KCNK13: variants seen among roughly 807,000 people sequenced by gnomAD.
KCNK13 encodes potassium channel subfamily K member 13.
KCNK13 carries 12 observed loss-of-function variants against 23.4 expected under a neutral mutation model. That is an observed-to-expected ratio of 0.51 (90% confidence interval 0.33 to 0.83). The LOEUF (loss-of-function observed/expected upper bound fraction) is 0.83. KCNK13 is among the 40% of genes least tolerant of loss of function. The probability of loss-of-function intolerance (pLI) is 0.02; values close to 1 mark genes in which losing one functional copy is unlikely to be tolerated. For synonymous variants in KCNK13, 231 were observed against 229.5 expected (o/e 1.01, Z -0.06); for missense variants, 463 against 556.3 (o/e 0.83, Z 1.69).
chr14:90,116,905 A>G (rs1053580115), intron 1 of KCNK13, among the ~76,000 whole-genome samples: 4 of 152,274 alleles, frequency 2.6e-5, no homozygotes, highest in African/African-American at 7.2e-5. Flanking sequence ...CCTTATATTT[A>G]GAGAATCTAT....
intron 1 of KCNK13, among the ~76,000 whole-genome samples, chr14:90,126,023 T>A (rs1174148838): frequency 4.1e-5 from 6 of 145,400 alleles, no homozygotes; most frequent in African/African-American, 7.7e-5. Context: ...AGACGCTATT[T>A]AAAAAAAAAA....
intron 1 of KCNK13, among the ~76,000 whole-genome samples, chr14:90,153,327 C>A (rs1055472075): frequency 2.6e-5 from 4 of 152,202 alleles, no homozygotes; most frequent in Admixed American, 6.5e-5. Context: ...TCTGCTTCTT[C>A]CTAGCTGTGT....
At chr14:90,116,857 A>G (rs1255348699) in intron 1 of KCNK13, among the ~76,000 whole-genome samples, 1 of 152,196 alleles carries the variant, frequency 6.6e-6, no homozygotes, top group Non-Finnish European at 1.5e-5. Flanking sequence ...TGAAATGTGC[A>G]TACATAAATT....
chr14:90,125,625 A>ACACG (rs1889790261), intron 1 of KCNK13, among the ~76,000 whole-genome samples: 1 of 52,024 alleles, frequency 1.9e-5, no homozygotes, highest in Non-Finnish European at 5.1e-5. Context: ...ACACACACAC[A>ACACG]CGCGCACACA....
intron 1 of KCNK13, among the ~76,000 whole-genome samples, chr14:90,085,334 A>G (rs1306025352): frequency 6.6e-6 from 1 of 151,906 alleles, no homozygotes; most frequent in African/African-American, 2.4e-5. Context: ...TTGGTTTGCT[A>G]GTATTTTGTT....
chr14:90,164,709 T>C (rs1890284185), intron 1 of KCNK13, among the ~76,000 whole-genome samples: 1 of 152,214 alleles, frequency 6.6e-6, no homozygotes, highest in Admixed American at 6.5e-5. Flanking sequence ...ATAACACATT[T>C]ATTTCAAGTC....
At chr14:90,110,486 G>GAA (rs11292418) in intron 1 of KCNK13, among the ~76,000 whole-genome samples, 33 of 135,806 alleles carry the variant, frequency 2.4e-4, no homozygotes, top group African/African-American at 7.7e-4. Flanking sequence ...TCTCAAAAAA[G>GAA]AAAAAAAAAA....
intron 1 of KCNK13, among the ~76,000 whole-genome samples, chr14:90,118,904 T>C (rs937444054): frequency 6.6e-6 from 1 of 151,964 alleles, no homozygotes; most frequent in Non-Finnish European, 1.5e-5. Context: ...GCTAGACTAA[T>C]AAAGAAGAAA....
In KCNK13 at chr14:90,172,042, C is replaced by T. The variant is rs146812882; in HGVS notation, c.335-12069C>T. Among the ~76,000 whole-genome samples the T allele has an allele frequency of 6.4e-3, 974 of 152,122 alleles. 8 individuals carry two copies. Among genetic ancestry groups the T allele is most frequent in the African/African-American group, 0.023 (937 of 41,526 alleles). ...TTATAAAGTTATAGAAGGGGCCAGG[C>T]GTGGTGGCTCACACATGTAATCCCA... On this transcript the variant is annotated intron_variant, in intron 1 of 1. Transcript: ENST00000282146.
chr14:90,174,142 T>TA (rs938932843), intron 1 of KCNK13, among the ~76,000 whole-genome samples: 114 of 151,788 alleles, frequency 7.5e-4, no homozygotes, highest in African/African-American at 2.6e-3. Flanking sequence ...CTGTCTCTAC[T>TA]AAAAAAATAC....
chr14:90,096,469 C>G (rs1180616602), intron 1 of KCNK13, among the ~76,000 whole-genome samples: 1 of 152,188 alleles, frequency 6.6e-6, no homozygotes, highest in Non-Finnish European at 1.5e-5. Context: ...TGCCTGAATT[C>G]TTAGTCCTCT....
At chr14:90,126,361 G>A (rs1285765689) in intron 1 of KCNK13, among the ~76,000 whole-genome samples, 1 of 152,044 alleles carries the variant, frequency 6.6e-6, no homozygotes, top group Non-Finnish European at 1.5e-5. Flanking sequence ...CCTGCCCAAC[G>A]CTGCCTCACC....
chr14:90,150,380 A>G (rs551645218), intron 1 of KCNK13, among the ~76,000 whole-genome samples: 2 of 152,274 alleles, frequency 1.3e-5, no homozygotes, highest in Admixed American at 1.3e-4. Flanking sequence ...TGGGGAGGCT[A>G]AGGCGAAGGA....
chr14:90,180,932 C>T (rs1431415611), intron 1 of KCNK13, among the ~76,000 whole-genome samples: 1 of 152,142 alleles, frequency 6.6e-6, no homozygotes, highest in Non-Finnish European at 1.5e-5. Flanking sequence ...TCTTGGCTCA[C>T]TACAACCTCC....
chr14:90,131,963 A>G (rs908341926), intron 1 of KCNK13, among the ~76,000 whole-genome samples: 1 of 152,224 alleles, frequency 6.6e-6, no homozygotes, highest in African/African-American at 2.4e-5. Flanking sequence ...AGGATCTTGA[A>G]GAGATATTTA....
At chr14:90,095,629 T>A (rs1463126770) in intron 1 of KCNK13, among the ~76,000 whole-genome samples, 1 of 152,152 alleles carries the variant, frequency 6.6e-6, no homozygotes, top group Non-Finnish European at 1.5e-5. Flanking sequence ...TAAGCTGTTT[T>A]TTTTTCTATT....
intron 1 of KCNK13, among the ~76,000 whole-genome samples, chr14:90,161,195 CAG>C (rs1890249518): frequency 6.6e-6 from 1 of 152,110 alleles, no homozygotes; most frequent in South Asian, 2.1e-4. Context: ...AAGTCAGACA[CAG>C]AAGGACAAAA....
chr14:90,184,898 C>G lies in KCNK13; in HGVS notation c.1122C>G (p.Cys374Trp), dbSNP rs767823889. 8 of 1,613,568 alleles carry G rather than the reference C, an allele frequency of 5.0e-6. No homozygotes were observed. The East Asian group carries it at 1.6e-4, about 31-fold the overall frequency. The change falls in exon 2 of 2, where the codon TGC (cysteine) becomes TGG (tryptophan). Residue 374 changes from cysteine (C) to tryptophan (W), a missense_variant. Cys to Trp is a radical substitution (Grantham distance 215, BLOSUM62 -2). This residue lies in a region of KCNK13 where 166 missense variants were observed against 178.8 expected (regional missense o/e 0.93). Coordinates refer to ENST00000282146, the MANE Select transcript of KCNK13 (RefSeq NM_022054.4). The surrounding 1 kb of genome is among the most constrained non-coding windows in gnomAD (Gnocchi z 5.6). ...QKQLSEMANG[C>W]PHQTSTLARD... is the part of the protein sequence containing the mutation. ...AACTGTCTGAGATGGCCAACGGCTG[C>G]CCCCACCAGACCAGCACACTGGCCC...
In KCNK13 at chr14:90,184,126, C is replaced by T; in HGVS notation, c.350C>T (p.Thr117Ile). The T allele has an allele frequency of 6.2e-7, 1 of 1,612,898 alleles. No individual in the cohort carries two copies. The highest frequency in any genetic ancestry group is 8.5e-7 in the Non-Finnish European group (1 of 1,179,002). The change falls in exon 2 of 2, where the codon ACT becomes ATT. Residue 117 changes from threonine to isoleucine, a missense_variant. Thr to Ile is a moderately conservative substitution (Grantham distance 89). This residue lies in a region of KCNK13 where 144 missense variants were observed against 224.0 expected (regional missense o/e 0.64). Transcript: ENST00000282146. This position sits in a 1 kb window ranked among gnomAD's most constrained non-coding sequence, Gnocchi z 5.6. ...TCTCCTGCAGGGTTTGGGATGACAA[C>T]TCCGGCGACAGTAGGAGGAAAAATC... is the stretch of plus-strand genomic sequence containing the variant. The part of the protein sequence containing the change: ...VVSTIGFGMT[T>I]PATVGGKIFL...
Sources: allele counts gnomAD v4.1 joint callset (sites outside exome capture counted in the v4.1 genomes callset), GRCh38; gene constraint gnomAD v4.1.1; regional missense constraint gnomAD v4.1.1; non-coding constraint Gnocchi (gnomAD v3.1); transcripts MANE v1.5; gene names NCBI Gene and HGNC (gene_info 2026-07-23, HGNC 2026-07-21).